UBALD1: variants seen among roughly 807,000 people sequenced by gnomAD.
UBALD1 encodes the protein UBA like domain containing 1.
Under a neutral mutation model 16.1 loss-of-function variants are expected in UBALD1, and 5 were observed. The ratio of observed to expected loss-of-function variants is 0.31; its 90% confidence interval spans 0.16 to 0.66. The LOEUF is 0.66. Ranked by LOEUF, UBALD1 falls within the 30% of genes least tolerant of loss-of-function variation. The pLI is 0.77. For synonymous variants in UBALD1, 146 were observed against 105.3 expected (o/e 1.39, Z -2.37); for missense variants, 220 against 252.8 (o/e 0.87, Z 0.88).
Position 4,614,272 on chromosome 16 carries a change from G to C in UBALD1, c.120+406C>G, listed in dbSNP as rs1280070343. The C allele has an allele frequency of 7.1e-5, 25 of 352,556 alleles. No individual in the cohort carries two copies. In the Admixed American group the frequency reaches 1.0e-3, roughly 15 times the overall value. The allele number at this position is 352,556 out of a possible 1,614,324, so 21.8% of individuals were successfully genotyped here. On this transcript the variant is annotated intron_variant, in intron 1 of 2. Transcript: ENST00000283474. ...CCGCCCACCAGGCACGCGGACCCTC[G>C]GACCACTCGCCCGGAGCGGCTCCGC...
chr16:4,614,444 C>T (rs889241930), intron 1 of UBALD1: 1 of 541,790 alleles, frequency 1.8e-6, no homozygotes, highest in Non-Finnish European at 2.9e-6. Flanking sequence ...CCGGGGGACT[C>T]GCGGCCCCGC....
Position 4,609,589 on chromosome 16 carries a change from C to A in UBALD1, c.*44G>T, listed in dbSNP as rs758308812. On this transcript the variant is annotated 3_prime_UTR_variant, in exon 3 of 3. Coordinates refer to ENST00000283474, the MANE Select transcript of UBALD1 (RefSeq NM_145253.3). Reference sequence around the variant, plus strand: ...GGGCCCGCAGAGACGTCCTCTCCCCCGCCCCACGGGGTCCTGGCCTCCGGG... The same window carrying A: ...GGGCCCGCAGAGACGTCCTCTCCCCAGCCCCACGGGGTCCTGGCCTCCGGG... 1 of 902,264 alleles carries A rather than the reference C, an allele frequency of 1.1e-6. No individual in the cohort carries two copies. The highest frequency in any genetic ancestry group is 1.7e-5 in the African/African-American group (1 of 58,164). 55.9% of individuals were successfully genotyped at this position (902,264 alleles called of 1,614,324 possible).
rs1355901569 is a variant in UBALD1 at position 4,609,981 on chromosome 16, C to T, written c.186G>A (p.Met62Ile). 10 of 1,573,906 alleles carry T rather than the reference C, an allele frequency of 6.4e-6. No individual in the cohort carries two copies. Among genetic ancestry groups the T allele is most frequent in the South Asian group, 1.2e-5 (1 of 86,130 alleles). ...IPYSHHHHQM[M>I]CTPANTPATP... ...TAGCAGGGGTATTGGCGGGGGTGCACATCTGTGAGGGGAAGAGAGGAGAGA... is the reference window on the plus strand; with the variant it reads ...TAGCAGGGGTATTGGCGGGGGTGCATATCTGTGAGGGGAAGAGAGGAGAGA... Residue 62 changes from methionine (M) to isoleucine (I), a missense_variant and splice_region_variant, in exon 3 of 3, where the codon ATG becomes ATA. Physicochemically the swap from Met to Ile is conservative, Grantham distance 10. Transcript: ENST00000283474.
intron 1 of UBALD1, chr16:4,611,357 G>A (rs759350887): frequency 6.6e-6 from 1 of 152,286 alleles, no homozygotes; most frequent in African/African-American, 2.4e-5. Context: ...AAGCCACCAC[G>A]GGTTTACGAC....
At position 4,612,213 on chromosome 16, in the gene UBALD1, G is replaced by A. The variant is rs570333484; in HGVS notation, c.121-1658C>T. ...CGAGTAGCTGGGACTACAGGCACGT[G>A]CCACCACACCTGGCTAACTTTTGTA... On this transcript the variant is annotated intron_variant, in intron 1 of 2. Transcript: ENST00000283474. Among the ~76,000 whole-genome samples the A allele has an allele frequency of 2.0e-5, 3 of 152,000 alleles. No individual in the cohort carries two copies. In the East Asian group the frequency reaches 5.8e-4, roughly 30 times the overall value.
Position 4,610,532 on chromosome 16 carries a change from C to T in UBALD1, c.144G>A (p.Gln48=). 1.2e-6 allele frequency: 2 copies of T among 1,612,582 alleles called. No homozygotes were observed. Among genetic ancestry groups the T allele is most frequent in the South Asian group, 1.1e-5 (1 of 90,768 alleles). ...GGTGGCTGTAGGGGATGTTGGTCTC[C>T]TGGAAAAAGGCGCTGAGGGCTGTCT... ...QFETALSAFF[Q]ETNIPYSHHH... is the part of the protein sequence containing the mutation. Residue 48 remains glutamine (Q), a synonymous_variant, in exon 2 of 3, where the codon CAG becomes CAA. Coordinates refer to ENST00000283474, the MANE Select transcript of UBALD1 (RefSeq NM_145253.3).
chr16:4,610,310 C>T, intron 2 of UBALD1, 183 bp downstream of exon 2: 1 of 725,304 alleles, frequency 1.4e-6, no homozygotes, highest in Non-Finnish European at 2.4e-6. Context: ...TCAGGGGGAG[C>T]TGGCACAGGC....
intron 1 of UBALD1, among the ~76,000 whole-genome samples, chr16:4,613,656 G>A (rs927501969): frequency 1.3e-5 from 2 of 152,176 alleles, no homozygotes; most frequent in African/African-American, 4.8e-5. Context: ...CCCTGTGAGG[G>A]GCACAGCTCA....
chr16:4,610,116 T>C, intron 2 of UBALD1, 133 bp from the exon 3 acceptor site: 1 of 809,506 alleles, frequency 1.2e-6, no homozygotes, highest in East Asian at 2.7e-5. Flanking sequence ...CCCAAGCCTG[T>C]CCGCCGCCCA....
intron 1 of UBALD1, 198 bp downstream of exon 1, chr16:4,614,480 G>C (rs1897398716): frequency 1.7e-5 from 15 of 858,202 alleles, no homozygotes; most frequent in Non-Finnish European, 2.4e-5. Context: ...CCGACCGGTG[G>C]CCCGGTTCCC....
chr16:4,610,852 C>G, intron 1 of UBALD1: 1 of 449,582 alleles, frequency 2.2e-6, no homozygotes. Context: ...CAGCTGGCAC[C>G]AGCACCATGA....
Position 4,610,439 on chromosome 16 carries a change from C to T in UBALD1, c.183+54G>A, listed in dbSNP as rs1897345063. ...GGCCAGGGGCTGCTTATACACAGAA[C>T]TAGCTCGGCCTCCTTCCGCCCAATC... On this transcript the variant is annotated intron_variant, in intron 2 of 2. Transcript: ENST00000283474. The T allele has an allele frequency of 1.9e-6, 3 of 1,549,240 alleles. No homozygotes were observed. In the South Asian group the frequency reaches 3.7e-5, roughly 19 times the overall value.
At position 4,614,779 on chromosome 16, in the gene UBALD1, C is replaced by A; in HGVS notation, c.19G>T (p.Glu7Ter). The change falls in exon 1 of 3, where the codon GAG becomes TAG. Residue 7 changes from glutamate to a stop codon, truncating the protein, a stop_gained. Coordinates refer to ENST00000283474, the MANE Select transcript of UBALD1 (RefSeq NM_145253.3). LOFTEE classifies it high-confidence loss of function. ...TTGATCATGACCTGGTGCTTGAGCT[C>A]GTCCATGTTCACGGACATGGCGCCG... is the stretch of plus-strand genomic sequence containing the variant. MSVNMD[E>*]LKHQVMINQF... is the part of the protein sequence containing the mutation. 6.5e-7 allele frequency: 1 copy of A among 1,529,462 alleles called. No individual in the cohort carries two copies. Among genetic ancestry groups the A allele is most frequent in the East Asian group, 2.7e-5 (1 of 37,486 alleles). The allele number at this position is 1,529,462 out of a possible 1,614,324, so 94.7% of individuals were successfully genotyped here.
At position 4,609,975 on chromosome 16, in the gene UBALD1, G is replaced by A. The variant is rs756623115; in HGVS notation, c.192C>T (p.Thr64=). The stretch of plus-strand genomic sequence containing the variant: ...GGGGTGTAGCAGGGGTATTGGCGGG[G>A]GTGCACATCTGTGAGGGGAAGAGAG... ...YSHHHHQMMC[T]PANTPATPPN... is the part of the protein sequence containing the mutation. The change falls in exon 3 of 3, where the codon ACC becomes ACT. Residue 64 remains threonine (T), a synonymous_variant. Coordinates refer to ENST00000283474, the MANE Select transcript of UBALD1 (RefSeq NM_145253.3). The A allele has an allele frequency of 8.2e-6, 13 of 1,583,196 alleles. No individual in the cohort carries two copies. The highest frequency in any genetic ancestry group is 1.3e-5 in the African/African-American group (1 of 74,312).
In UBALD1 at chr16:4,614,667, G is replaced by A; in HGVS notation, c.120+11C>T. On this transcript the variant is annotated intron_variant, in intron 1 of 2. Coordinates refer to ENST00000283474, the MANE Select transcript of UBALD1 (RefSeq NM_145253.3). The stretch of plus-strand genomic sequence containing the variant: ...TGGCCCCGGCCCTCGCCCGGCTCCG[G>A]CGCCGCGCACCTCGAACTGCCAGTG... 6.6e-7 allele frequency: 1 copy of A among 1,523,006 alleles called. No homozygotes were observed. Among genetic ancestry groups the A allele is most frequent in the South Asian group, 1.2e-5 (1 of 81,362 alleles). The allele number at this position is 1,523,006 out of a possible 1,614,324, so 94.3% of individuals were successfully genotyped here.
At chr16:4,612,448 G>A (rs1897370106) in intron 1 of UBALD1, among the ~76,000 whole-genome samples, 1 of 152,112 alleles carries the variant, frequency 6.6e-6, no homozygotes, top group African/African-American at 2.4e-5. Flanking sequence ...GGGTGTGGGA[G>A]CTCAGGCATG....
rs1897331871 is a variant in UBALD1 at position 4,609,624 on chromosome 16, G to GAA, written c.*8_*9insTT. On this transcript the variant is annotated 3_prime_UTR_variant, in exon 3 of 3. Transcript: ENST00000283474. ...GGTCCTGGCCTCCGGGAGGGGGGAG[G>GAA]GGCCTCCCTTATCTCTCTGCCTCCA... 7.8e-7 allele frequency: 1 copy of GAA among 1,287,326 alleles called. No individual in the cohort carries two copies. Among genetic ancestry groups the GAA allele is most frequent in the East Asian group, 2.7e-5 (1 of 36,986 alleles). 79.7% of individuals were successfully genotyped at this position (1,287,326 alleles called of 1,614,324 possible). A position where few individuals can be genotyped will look rare whatever the true frequency, so the allele number is the denominator to read the frequency against.
At chr16:4,610,007 T>A (rs1245385877) in intron 2 of UBALD1, 24 bp from the exon 3 acceptor site, 7 of 1,431,668 alleles carry the variant, frequency 4.9e-6, no homozygotes, top group Admixed American at 1.9e-5. Context: ...AGAGGAGAGA[T>A]GGGGTGAGCA....
At chr16:4,610,953 A>T in intron 1 of UBALD1, 1 of 398,240 alleles carries the variant, frequency 2.5e-6, no homozygotes, top group East Asian at 3.7e-5. Context: ...GCCCCGTTTC[A>T]GGAGATTCTA....
Sources: gnomAD v4.1 joint callset for allele counts (sites outside exome capture counted in the v4.1 genomes callset) on GRCh38, gnomAD v4.1.1 for gene constraint, MANE v1.5 for transcripts, NCBI Gene and HGNC (gene_info 2026-07-23, HGNC 2026-07-21) for gene names.